PRKG1: variants seen among roughly 807,000 people sequenced by gnomAD.
PRKG1 encodes cGMP-dependent protein kinase 1.
In PRKG1, 35 loss-of-function variants were observed where a neutral mutation model predicts 88.1. That is an observed-to-expected ratio of 0.40 (90% CI 0.30 to 0.53). The LOEUF (loss-of-function observed/expected upper bound fraction) is 0.53. Among genes scored for constraint, PRKG1 ranks in the 20% least tolerant of loss-of-function variants. PRKG1 has a pLI of 0.59. For synonymous variants in PRKG1, 303 were observed against 292.5 expected (o/e 1.04, Z -0.37); for missense variants, 540 against 839.8 (o/e 0.64, Z 4.41).
chr10:51,164,365 CAG>C (rs1366815447), intron 2 of PRKG1, among the ~76,000 whole-genome samples: 1 of 152,278 alleles, frequency 6.6e-6, no homozygotes, highest in Admixed American at 6.5e-5. Flanking sequence ...AACTAACAAA[CAG>C]AAAGGACATC....
chr10:51,740,995 T>C (rs1312927957), intron 3 of PRKG1, among the ~76,000 whole-genome samples: 2 of 152,100 alleles, frequency 1.3e-5, no homozygotes, highest in East Asian at 3.9e-4. Context: ...GCTTGCATGT[T>C]ATAAATGATG....
chr10:51,042,962 A>G (rs1344760271), intron 1 of PRKG1, among the ~76,000 whole-genome samples: 1 of 152,176 alleles, frequency 6.6e-6, no homozygotes, highest in South Asian at 2.1e-4. Context: ...CCAGTTATCA[A>G]ACCCTGCCTA....
At chr10:52,161,121 G>C (rs571303400) in intron 8 of PRKG1, among the ~76,000 whole-genome samples, 1 of 152,064 alleles carries the variant, frequency 6.6e-6, no homozygotes, top group South Asian at 2.1e-4. Context: ...TAATTTTCAA[G>C]GGCGATTCTG....
rs1222210080 is a variant in PRKG1 at position 51,834,698 on chromosome 10, GAGAGAGAGAA to G, written c.698+30014_698+30023del. Among the ~76,000 whole-genome samples the G allele has an allele frequency of 1.7e-3, 234 of 139,926 alleles. 1 individual carries two copies. Among genetic ancestry groups the G allele is most frequent in the African/African-American group, 6.4e-3 (229 of 35,764 alleles). 91.8% of individuals were successfully genotyped at this position (139,926 alleles called of 152,430 possible). A position where few individuals can be genotyped will look rare whatever the true frequency, so the allele number is the denominator to read the frequency against. On this transcript the variant is annotated intron_variant, in intron 4 of 17. Coordinates refer to ENST00000373980, the MANE Select transcript of PRKG1 (RefSeq NM_006258.4). ...AAAGACAGAAAGAAAGAAAGAAAGAGAGAGAGAGAAAGAGAAAGAGAAAGAAAAGAGAAAA... is the reference window on the plus strand; with the variant it reads ...AAAGACAGAAAGAAAGAAAGAAAGAGAGAGAAAGAGAAAGAAAAGAGAAAA...
intron 1 of PRKG1, among the ~76,000 whole-genome samples, chr10:51,041,271 A>G (rs146899504): frequency 8.3e-4 from 126 of 152,238 alleles, no homozygotes; most frequent in African/African-American, 2.7e-3. Flanking sequence ...CAGAAGCCAA[A>G]GCCTGGAATC....
At chr10:51,055,776 A>T (rs540991391) in intron 1 of PRKG1, among the ~76,000 whole-genome samples, 12 of 152,246 alleles carry the variant, frequency 7.9e-5, no homozygotes, top group African/African-American at 2.9e-4. Context: ...ATGTCCCAAA[A>T]GGAGGATACT....
intron 9 of PRKG1, among the ~76,000 whole-genome samples, chr10:52,176,781 T>C (rs1838879430): frequency 6.6e-6 from 1 of 152,168 alleles, no homozygotes; most frequent in South Asian, 2.1e-4. Flanking sequence ...CTATTGTAAA[T>C]AGAATTGCCT....
At position 51,795,670 on chromosome 10, in the gene PRKG1, G is replaced by A. The variant is rs34536232; in HGVS notation, c.593-8915G>A. Among the ~76,000 whole-genome samples the A allele has an allele frequency of 2.1e-3, 312 of 152,182 alleles. 1 individual carries two copies. Among genetic ancestry groups the A allele is most frequent in the Non-Finnish European group, 3.5e-3 (238 of 67,984 alleles). On this transcript the variant is annotated intron_variant, in intron 3 of 17. Coordinates refer to ENST00000373980, the MANE Select transcript of PRKG1 (RefSeq NM_006258.4). Reference sequence around the variant, plus strand: ...ACTAAGTATCTGAGTGATCACAGACGAGTCAAGCATCAGTAAAGTGGGGGT... The same window carrying A: ...ACTAAGTATCTGAGTGATCACAGACAAGTCAAGCATCAGTAAAGTGGGGGT...
chr10:51,509,231 T>C (rs767147405), intron 3 of PRKG1, among the ~76,000 whole-genome samples: 1 of 152,194 alleles, frequency 6.6e-6, no homozygotes, highest in Admixed American at 6.5e-5. Context: ...AAAATTAATA[T>C]GTATGCCTGT....
At chr10:51,073,022 G>A (rs1397957418), upstream of PRKG1, among the ~76,000 whole-genome samples, 1 of 152,126 alleles carries the variant, frequency 6.6e-6, no homozygotes, top group Non-Finnish European at 1.5e-5. Context: ...ATAATATTGA[G>A]TGCCCAAGAA....
chr10:51,537,761 C>A (rs2132106040), intron 3 of PRKG1, among the ~76,000 whole-genome samples: 1 of 149,614 alleles, frequency 6.7e-6, no homozygotes, highest in African/African-American at 2.4e-5. Context: ...ACTCGGGGAG[C>A]TTTTAAAACA....
intron 3 of PRKG1, among the ~76,000 whole-genome samples, chr10:51,601,074 C>T (rs1838586331): frequency 6.6e-6 from 1 of 151,734 alleles, no homozygotes; most frequent in African/African-American, 2.4e-5. Flanking sequence ...TGCAGATTTT[C>T]AGATATTTTT....
chr10:51,754,969 A>G (rs1412166382), intron 3 of PRKG1, among the ~76,000 whole-genome samples: 1 of 150,724 alleles, frequency 6.6e-6, no homozygotes, highest in South Asian at 2.1e-4. Context: ...TGGAATGTTA[A>G]CCTTCTCAAT....
intron 1 of PRKG1, among the ~76,000 whole-genome samples, chr10:51,047,523 A>G (rs989308703): frequency 6.6e-6 from 1 of 151,972 alleles, no homozygotes; most frequent in Admixed American, 6.6e-5. Context: ...TTGAGCTTAC[A>G]GATTTATTGT....
At chr10:52,082,455 G>A (rs968483711) in intron 7 of PRKG1, among the ~76,000 whole-genome samples, 4 of 152,152 alleles carry the variant, frequency 2.6e-5, no homozygotes, top group African/African-American at 4.8e-5. Context: ...GTGATTGCAT[G>A]TTTCTGTGGT....
chr10:51,177,588 G>C (rs1837229037), intron 2 of PRKG1, among the ~76,000 whole-genome samples: 2 of 152,076 alleles, frequency 1.3e-5, no homozygotes, highest in African/African-American at 2.4e-5. Flanking sequence ...TTTGCTGAAT[G>C]AATGGTTGAA....
At chr10:51,214,334 C>G (rs1838314126) in intron 2 of PRKG1, among the ~76,000 whole-genome samples, 2 of 152,088 alleles carry the variant, frequency 1.3e-5, no homozygotes, top group African/African-American at 4.8e-5. Flanking sequence ...ATATTTGTCC[C>G]CTGACATTTC....
At position 51,543,442 on chromosome 10, in the gene PRKG1, G is replaced by C. The variant is rs1007656675; in HGVS notation, c.592+75606G>C. Among the ~76,000 whole-genome samples the C allele has an allele frequency of 2.6e-5, 4 of 152,130 alleles. No individual in the cohort carries two copies. In the East Asian group the frequency reaches 5.8e-4, roughly 22 times the overall value. ...TGATGTTTGAAAACTATAATCACAG[G>C]CTACAAAAGAAGTATAGCATCCACA... On this transcript the variant is annotated intron_variant, in intron 3 of 17. Coordinates refer to ENST00000373980, the MANE Select transcript of PRKG1 (RefSeq NM_006258.4).
At chr10:51,450,988 C>CT (rs1012966376) in intron 2 of PRKG1, among the ~76,000 whole-genome samples, 4 of 151,748 alleles carry the variant, frequency 2.6e-5, no homozygotes, top group Non-Finnish European at 4.4e-5. Context: ...GGTTATTAAT[C>CT]TTTTTTGTGC....
Sources: gnomAD v4.1 joint callset for allele counts (sites outside exome capture counted in the v4.1 genomes callset) on GRCh38, gnomAD v4.1.1 for gene constraint, MANE v1.5 for transcripts, NCBI Gene and HGNC (gene_info 2026-07-23, HGNC 2026-07-21) for gene names.